The following CHD9 variants were observed in gnomAD, a reference collection of about 807,000 sequenced individuals.
CHD9 encodes the protein chromodomain helicase DNA binding protein 9, also known as ATP-dependent chromatin remodeler CHD9.
In CHD9, 77 loss-of-function variants were observed where a neutral mutation model predicts 316.1. The ratio of observed to expected loss-of-function variants is 0.24; its 90% CI spans 0.20 to 0.29. The LOEUF (loss-of-function observed/expected upper bound fraction) is 0.29, where lower values mean the gene tolerates loss of function less well. Ranked by LOEUF, CHD9 falls within the 10% of genes least tolerant of loss-of-function variation. The probability of loss-of-function intolerance (pLI) is 1.00; values close to 1 mark genes in which losing one functional copy is unlikely to be tolerated. For synonymous variants in CHD9, 1,129 were observed against 1,158.3 expected (o/e 0.97, Z 0.51); for missense variants, 2,763 against 3,438.1 (o/e 0.80, Z 4.91).
intron 24 of CHD9, among the ~76,000 whole-genome samples, chr16:53,278,552 C>T (rs759219451): frequency 9.2e-5 from 14 of 152,160 alleles, no homozygotes; most frequent in Non-Finnish European, 2.1e-4. Flanking sequence ...TGGCAAGCCA[C>T]ATGTAGGCGA....
At chr16:53,135,716 A>AAT (rs1268742221) in intron 1 of CHD9, among the ~76,000 whole-genome samples, 1 of 152,188 alleles carries the variant, frequency 6.6e-6, no homozygotes, top group Non-Finnish European at 1.5e-5. Context: ...AGCGCCTTAG[A>AAT]ATAGGTTTAG....
intron 2 of CHD9, among the ~76,000 whole-genome samples, chr16:53,198,274 G>T (rs971342654): frequency 9.5e-5 from 14 of 146,882 alleles, no homozygotes; most frequent in African/African-American, 3.5e-4. Flanking sequence ...CACGTCCATT[G>T]TTCTAACATC....
At chr16:53,313,140 G>A (rs189904097) in intron 34 of CHD9, among the ~76,000 whole-genome samples, 1 of 152,040 alleles carries the variant, frequency 6.6e-6, no homozygotes, top group African/African-American at 2.4e-5. Flanking sequence ...TGAAATGAAA[G>A]AAGTCAGTCT....
intron 1 of CHD9, among the ~76,000 whole-genome samples, chr16:53,062,274 T>C (rs1018200686): frequency 3.9e-5 from 6 of 152,262 alleles, no homozygotes; most frequent in African/African-American, 1.4e-4. Context: ...TTGTTAAAAC[T>C]GTAACAATCT....
chr16:53,323,502 G>C (rs1317238654), intron 38 of CHD9, among the ~76,000 whole-genome samples: 1 of 152,176 alleles, frequency 6.6e-6, no homozygotes, highest in African/African-American at 2.4e-5. Context: ...TGCTACTGCA[G>C]GTGACCTTAA....
chr16:53,311,744 A>C (rs575259826), intron 34 of CHD9: 1 of 152,362 alleles, frequency 6.6e-6, no homozygotes, highest in East Asian at 1.9e-4. Flanking sequence ...TGGCAGAGCC[A>C]AGCAACCTGG....
chr16:53,294,065 T>C (rs1329540301), intron 29 of CHD9, among the ~76,000 whole-genome samples: 3 of 152,196 alleles, frequency 2.0e-5, no homozygotes, highest in Non-Finnish European at 4.4e-5. Context: ...ATGGAAAGCA[T>C]ATGTTCCTTT....
intron 1 of CHD9, among the ~76,000 whole-genome samples, chr16:53,129,453 G>T (rs1255232611): frequency 6.6e-6 from 1 of 152,186 alleles, no homozygotes; most frequent in African/African-American, 2.4e-5. Context: ...CTTTCAGCAG[G>T]GTTTCTTCCC....
chr16:53,228,456 T>C (rs1358132444), intron 7 of CHD9, among the ~76,000 whole-genome samples: 4 of 151,950 alleles, frequency 2.6e-5, no homozygotes. Flanking sequence ...GTCAGGTAAC[T>C]CATGAGTTGC....
chr16:53,197,896 G>C (rs1201536191), intron 2 of CHD9, among the ~76,000 whole-genome samples: 1 of 152,054 alleles, frequency 6.6e-6, no homozygotes, highest in East Asian at 1.9e-4. Flanking sequence ...GACCTCAGGT[G>C]ATCTGCCCAC....
At chr16:53,128,437 C>T (rs1347284398) in intron 1 of CHD9, among the ~76,000 whole-genome samples, 1 of 152,170 alleles carries the variant, frequency 6.6e-6, no homozygotes, top group Non-Finnish European at 1.5e-5. Flanking sequence ...CCACCTCAGC[C>T]TCCCAAAGTG....
intron 24 of CHD9, among the ~76,000 whole-genome samples, chr16:53,279,356 G>T (rs2053182979): frequency 6.6e-6 from 1 of 151,664 alleles, no homozygotes; most frequent in African/African-American, 2.4e-5. Context: ...ACTGGGGCCT[G>T]TCGTGGGGTG....
intron 2 of CHD9, among the ~76,000 whole-genome samples, chr16:53,191,264 G>A (rs1008226461): frequency 4.6e-5 from 7 of 151,854 alleles, no homozygotes; most frequent in African/African-American, 1.5e-4. Flanking sequence ...GTCTTCTCAT[G>A]TATCAGTTCA....
intron 1 of CHD9, among the ~76,000 whole-genome samples, chr16:53,070,505 C>T (rs865834313): frequency 1.5e-5 from 2 of 132,496 alleles, no homozygotes; most frequent in Admixed American, 7.4e-5. Flanking sequence ...TCCTTCCTTC[C>T]TTCCTTCCTT....
At chr16:53,149,072 G>T (rs2040874569) in intron 1 of CHD9, among the ~76,000 whole-genome samples, 1 of 152,018 alleles carries the variant, frequency 6.6e-6, no homozygotes, top group African/African-American at 2.4e-5. Context: ...TTCTAATTTG[G>T]CTTCTGTTAT....
chr16:53,270,161 ATT>A (rs757513307), intron 22 of CHD9, among the ~76,000 whole-genome samples: 14 of 118,586 alleles, frequency 1.2e-4, no homozygotes, highest in Admixed American at 4.3e-4. Flanking sequence ...CACCTGGCTA[ATT>A]TTTTTTTTTT....
intron 36 of CHD9, among the ~76,000 whole-genome samples, chr16:53,317,667 G>T (rs887415162): frequency 6.6e-6 from 1 of 152,006 alleles, no homozygotes; most frequent in East Asian, 1.9e-4. Context: ...CTAATTTTTT[G>T]ATTTTTTGTA....
rs1205352868 is a variant in CHD9 at position 53,184,795 on chromosome 16, G to GA, written c.1453-24687_1453-24686insA. ...ACCAAGTGGAGATATTTGAATCACA[G>GA]GGGCAGTTTCCACCATCCTGTTCTG... On this transcript the variant is annotated intron_variant, in intron 2 of 38. Transcript: ENST00000447540. Among the ~76,000 whole-genome samples, 5 of 152,258 alleles carry GA rather than the reference G, an allele frequency of 3.3e-5. No individual in the cohort carries two copies. The East Asian group carries it at 7.7e-4, about 24-fold the overall frequency.
intron 2 of CHD9, among the ~76,000 whole-genome samples, chr16:53,205,306 T>C (rs2045812601): frequency 6.6e-6 from 1 of 152,324 alleles, no homozygotes; most frequent in Middle Eastern, 3.4e-3. Flanking sequence ...TAGTAATCCA[T>C]CATCCCCAAA....
Sources: gnomAD v4.1 joint callset for allele counts (sites outside exome capture counted in the v4.1 genomes callset) on GRCh38, gnomAD v4.1.1 for gene constraint, MANE v1.5 for transcripts, NCBI Gene and HGNC (gene_info 2026-07-23, HGNC 2026-07-21) for gene names.